BBS12: variants seen among roughly 807,000 people sequenced by gnomAD.
BBS12 encodes chaperonin-containing T-complex member BBS12.
Under a neutral mutation model 5.6 loss-of-function variants are expected in BBS12, and 5 were observed. The ratio of observed to expected loss-of-function variants is 0.89; its 90% CI spans 0.46 to 1.86. BBS12 has a LOEUF of 1.86. BBS12 is among the 40% of genes most tolerant of loss of function. The pLI is 0.01. For synonymous variants in BBS12, 308 were observed against 306.8 expected (o/e 1.00, Z -0.04); for missense variants, 748 against 830.4 (o/e 0.90, Z 1.22).
chr4:122,725,897 C>CAAAAA, the BBS12 span, among the ~76,000 whole-genome samples: 3 of 52,522 alleles, frequency 5.7e-5, no homozygotes, highest in African/African-American at 6.8e-5. Flanking sequence ...GACTCTGTCT[C>CAAAAA]AAAAAAAAAA....
At chr4:122,721,242 C>T in the BBS12 span, among the ~76,000 whole-genome samples, 2 of 152,064 alleles carry the variant, frequency 1.3e-5, no homozygotes, top group South Asian at 4.2e-4. Context: ...AACAAGCCAG[C>T]ATAAAAGAAT....
At chr4:122,727,917 G>A (rs754410193), upstream of BBS12, among the ~76,000 whole-genome samples, 1 of 152,046 alleles carries the variant, frequency 6.6e-6, no homozygotes, top group Non-Finnish European at 1.5e-5. Context: ...AAAAGGAATA[G>A]ACAAATAGAG....
At chr4:122,702,834 A>T in the BBS12 span, among the ~76,000 whole-genome samples, 2 of 152,198 alleles carry the variant, frequency 1.3e-5, no homozygotes, top group Non-Finnish European at 2.9e-5. Context: ...ATGGATACAG[A>T]ACAGATCTTT....
chr4:122,712,165 C>A, the BBS12 span, among the ~76,000 whole-genome samples: 1 of 152,206 alleles, frequency 6.6e-6, no homozygotes, highest in Admixed American at 6.5e-5. Flanking sequence ...TGAGCCAAGT[C>A]TCCAGCTTGC....
chr4:122,721,210 T>C, the BBS12 span, among the ~76,000 whole-genome samples: 1 of 152,120 alleles, frequency 6.6e-6, no homozygotes, highest in Non-Finnish European at 1.5e-5. Context: ...TTTAGGCTGA[T>C]GAAAATTATC....
chr4:122,718,130 A>T, the BBS12 span, among the ~76,000 whole-genome samples: 1 of 152,232 alleles, frequency 6.6e-6, no homozygotes. Context: ...ACAGTGCATA[A>T]AACATAGTAA....
rs145373776 is a variant in BBS12 at position 122,738,898 on chromosome 4, G to A, written c.-10-2985G>A. On this transcript the variant is annotated intron_variant, in intron 1 of 1. Transcript: ENST00000314218. ...ATACTGGACTGAATATTTCCCCCCA[G>A]TTCATGTCCTTCTAGCATCTCAAAA... 3.7e-3 allele frequency among the ~76,000 whole-genome samples: 569 copies of A among 152,268 alleles called. 10 individuals are homozygous for A. Among genetic ancestry groups the A allele is most frequent in the African/African-American group, 0.012 (511 of 41,546 alleles).
At chr4:122,715,559 T>G in the BBS12 span, among the ~76,000 whole-genome samples, 1 of 152,182 alleles carries the variant, frequency 6.6e-6, no homozygotes, top group Non-Finnish European at 1.5e-5. Flanking sequence ...CATGAACGTT[T>G]GTGATTTCTT....
the BBS12 span, among the ~76,000 whole-genome samples, chr4:122,716,634 TATATACACAC>T: frequency 1.0e-4 from 9 of 90,018 alleles, no homozygotes; most frequent in African/African-American, 3.5e-4. Context: ...TACACATATG[TATATACACAC>T]GTGTGTGTAT....
chr4:122,721,937 CAG>C, the BBS12 span, among the ~76,000 whole-genome samples: 1 of 152,168 alleles, frequency 6.6e-6, no homozygotes, highest in African/African-American at 2.4e-5. Context: ...GCTTTAAAAA[CAG>C]AGTTTCAACA....
chr4:122,716,681 A>G, the BBS12 span, among the ~76,000 whole-genome samples: 4,279 of 87,042 alleles, frequency 0.049, 421 homozygotes, highest in African/African-American at 0.19. Context: ...GTGTATATAT[A>G]CACATATGTG....
chr4:122,737,558 A>G (rs559971005), intron 1 of BBS12, among the ~76,000 whole-genome samples: 4 of 152,348 alleles, frequency 2.6e-5, no homozygotes, highest in East Asian at 1.9e-4. Flanking sequence ...CTTTCATAAC[A>G]TGTTCGAAAT....
the BBS12 span, among the ~76,000 whole-genome samples, chr4:122,706,579 A>G: frequency 7.2e-5 from 11 of 152,194 alleles, no homozygotes; most frequent in African/African-American, 2.4e-4. Context: ...CAGAAAAGAA[A>G]AAAAAATTCC....
the BBS12 span, among the ~76,000 whole-genome samples, chr4:122,702,002 C>T: frequency 1.3e-5 from 2 of 152,156 alleles, no homozygotes; most frequent in African/African-American, 4.8e-5. Flanking sequence ...GCTTTCCTCT[C>T]CCCAAAGCTC....
Position 122,742,068 on chromosome 4 carries a change from G to T in BBS12, c.176G>T (p.Ser59Ile). The T allele has an allele frequency of 6.2e-7, 1 of 1,614,164 alleles. No homozygotes were observed. The highest frequency in any genetic ancestry group is 8.5e-7 in the Non-Finnish European group (1 of 1,180,022). The change falls in exon 2 of 2, where the codon AGT (serine) becomes ATT (isoleucine). Residue 59 changes from serine to isoleucine, a missense_variant. Coordinates refer to ENST00000314218, the MANE Select transcript of BBS12 (RefSeq NM_152618.3). ...LISSTVRLLE[S>I]LDLTSAVGQL... ...AGTTCAACAGTAAGGCTTCTTGAAA[G>T]TTTGGATTTAACCAGTGCAGTGGGA... is the stretch of plus-strand genomic sequence containing the variant.
the BBS12 span, among the ~76,000 whole-genome samples, chr4:122,716,669 A>ATGTATATACACACACG: frequency 1.8e-4 from 14 of 78,388 alleles, 1 homozygote; most frequent in African/African-American, 6.0e-4. Flanking sequence ...ACATACACAT[A>ATGTATATACACACACG]TGTGTATATA....
chr4:122,742,311 G>T lies in BBS12; in HGVS notation c.419G>T (p.Cys140Phe), dbSNP rs1325466118. The change falls in exon 2 of 2, where the codon TGT (cysteine) becomes TTT (phenylalanine). Residue 140 changes from cysteine (C) to phenylalanine (F), a missense_variant. Transcript: ENST00000314218. ...LHVPVHNIFD[C>F]MDSTKTFSQL... Reference sequence around the variant, plus strand: ...GTACCTGTTCACAATATATTTGACTGTATGGACAGCACAAAAACATTTTCT... The same window carrying T: ...GTACCTGTTCACAATATATTTGACTTTATGGACAGCACAAAAACATTTTCT... 1 of 1,614,054 alleles carries T rather than the reference G, an allele frequency of 6.2e-7. No homozygotes were observed. The highest frequency in any genetic ancestry group is 1.7e-5 in the Admixed American group (1 of 60,022).
chr4:122,744,007 G>C lies in BBS12; in HGVS notation c.2115G>C (p.Thr705=). The C allele has an allele frequency of 6.2e-7, 1 of 1,613,684 alleles. No homozygotes were observed. Among genetic ancestry groups the C allele is most frequent in the Non-Finnish European group, 8.5e-7 (1 of 1,179,696 alleles). The change falls in exon 2 of 2, where the codon ACG becomes ACC. Residue 705 remains threonine (T), a synonymous_variant. Transcript: ENST00000314218. The stretch of plus-strand genomic sequence containing the variant: ...CACAGATAAATTCACAGGAATTAAC[G>C]GGCTTTCTATTTTTGTAGTGTTACT... ...GHTQINSQEL[T]GFLFL
intron 1 of BBS12, among the ~76,000 whole-genome samples, chr4:122,736,184 T>C (rs996123943): frequency 3.3e-5 from 5 of 152,224 alleles, no homozygotes; most frequent in African/African-American, 4.8e-5. Flanking sequence ...GGACTTTGAC[T>C]TCGACTCCAA....
Sources: allele counts gnomAD v4.1 joint callset (sites outside exome capture counted in the v4.1 genomes callset), GRCh38; gene constraint gnomAD v4.1.1; transcripts MANE v1.5; gene names NCBI Gene and HGNC (gene_info 2026-07-23, HGNC 2026-07-21).